SLC2A1: variants seen among roughly 807,000 people sequenced by gnomAD.
SLC2A1 encodes the protein solute carrier family 2, facilitated glucose transporter member 1.
Under a neutral mutation model 46.6 loss-of-function variants are expected in SLC2A1, and 4 were observed. The observed-to-expected ratio is 0.09, with a 90% CI of 0.04 to 0.20. SLC2A1 has a LOEUF of 0.20. Ranked by LOEUF, SLC2A1 falls within the 10% of genes least tolerant of loss-of-function variation. The probability of loss-of-function intolerance (pLI) is 1.00; values close to 1 mark genes in which losing one functional copy is unlikely to be tolerated. For synonymous variants in SLC2A1, 253 were observed against 270.0 expected (o/e 0.94, Z 0.62); for missense variants, 352 against 667.0 (o/e 0.53, Z 5.20).
intron 1 of SLC2A1, chr1:42,951,588 G>A: frequency 2.8e-6 from 1 of 363,490 alleles, no homozygotes. Context: ...AAGTCTTTAG[G>A]GTAAACACCA....
chr1:42,951,705 A>G (rs1643721914), intron 1 of SLC2A1: 1 of 396,910 alleles, frequency 2.5e-6, no homozygotes, highest in Non-Finnish European at 4.4e-6. Flanking sequence ...AGTCACATCT[A>G]AGAACTTTAT....
chr1:42,942,277 C>T (rs761994229), intron 2 of SLC2A1, among the ~76,000 whole-genome samples: 2 of 152,206 alleles, frequency 1.3e-5, no homozygotes, highest in Admixed American at 6.5e-5. Context: ...TTGGGCCTGT[C>T]GGCCATTTCA....
intron 1 of SLC2A1, among the ~76,000 whole-genome samples, chr1:42,956,407 C>CAAAAAAAAAAAAAAAAAAAAA (rs71577684): frequency 2.0e-4 from 9 of 44,528 alleles, no homozygotes; most frequent in African/African-American, 8.4e-4. Flanking sequence ...ACTAAAACTA[C>CAAAAAAAAAAAAAAAAAAAAA]AAAAAAAAAA....
At chr1:42,951,698 C>G in intron 1 of SLC2A1, 1 of 396,532 alleles carries the variant, frequency 2.5e-6, no homozygotes, top group Non-Finnish European at 4.4e-6. Context: ...TTTTTCCAGT[C>G]ACATCTAAGA....
chr1:42,929,842 A>G lies in SLC2A1; in HGVS notation c.679+31T>C. The G allele has an allele frequency of 2.5e-6, 4 of 1,613,744 alleles. No individual in the cohort carries two copies. Among genetic ancestry groups the G allele is most frequent in the Non-Finnish European group, 3.4e-6 (4 of 1,179,928 alleles). On this transcript the variant is annotated intron_variant, in intron 5 of 9. Transcript: ENST00000426263. This position sits in a 1 kb window ranked among gnomAD's most constrained non-coding sequence, Gnocchi z 6.0. The stretch of plus-strand genomic sequence containing the variant: ...GTGGGAAGAAGGCCAGGGCTCAGGG[A>G]GTGGGGAGGAGGGCAGGGCCATGCC...
At position 42,958,816 on chromosome 1, in the gene SLC2A1, G is replaced by C. The variant is rs1643810918; in HGVS notation, c.-165C>G. 3 of 643,552 alleles carry C rather than the reference G, an allele frequency of 4.7e-6. No homozygotes were observed. Among genetic ancestry groups the C allele is most frequent in the Non-Finnish European group, 7.8e-6 (3 of 385,670 alleles). 39.9% of individuals were successfully genotyped at this position (643,552 alleles called of 1,614,324 possible). On this transcript the variant is annotated 5_prime_UTR_variant, in exon 1 of 10. Coordinates refer to ENST00000426263, the MANE Select transcript of SLC2A1 (RefSeq NM_006516.4). ...CTCCTGCTCCCTGGCGTGCTCACTCGGGGACCCGCGACTAGCGACCGGCAC... is the reference window on the plus strand; with the variant it reads ...CTCCTGCTCCCTGGCGTGCTCACTCCGGGACCCGCGACTAGCGACCGGCAC...
In SLC2A1 at chr1:42,929,314, C is replaced by T. The variant is rs753156126; in HGVS notation, c.868G>A (p.Val290Ile). ...LSQQLSGINA[V>I]FYYSTSIFEK... ...AAGATGCTCGTGGAGTAATAGAAGA[C>T]CTGCCAGACAAGAGAAACTGTTGGG... The change falls in exon 7 of 10, where the codon GTC becomes ATC. Residue 290 changes from valine (V) to isoleucine (I), a missense_variant and splice_region_variant. Around this residue, in one of 5 missense-constraint regions of SLC2A1, gnomAD observed 167 missense variants for 280.8 expected, o/e 0.59. Coordinates refer to ENST00000426263, the MANE Select transcript of SLC2A1 (RefSeq NM_006516.4). This position sits in a 1 kb window ranked among gnomAD's most constrained non-coding sequence, Gnocchi z 6.0. The T allele has an allele frequency of 1.9e-6, 3 of 1,608,306 alleles. No homozygotes were observed. The highest frequency in any genetic ancestry group is 2.2e-5 in the South Asian group (2 of 90,158).
intron 2 of SLC2A1, among the ~76,000 whole-genome samples, chr1:42,933,324 C>A (rs1008441908): frequency 1.1e-4 from 16 of 152,254 alleles, no homozygotes; most frequent in African/African-American, 3.6e-4. Context: ...ATCTCCCACC[C>A]CTCTACGCCT....
At chr1:42,938,386 T>G (rs545761646) in intron 2 of SLC2A1, among the ~76,000 whole-genome samples, 1 of 152,334 alleles carries the variant, frequency 6.6e-6, no homozygotes, top group African/African-American at 2.4e-5. Flanking sequence ...CTGGCTTCAG[T>G]TCCCTCATTT....
rs540910392 is a variant in SLC2A1, at chr1:42,942,594, T to G, written c.114+632A>C. Among the ~76,000 whole-genome samples the G allele has an allele frequency of 4.6e-5, 7 of 151,698 alleles. No individual in the cohort carries two copies. The Admixed American group carries it at 4.6e-4, about 10-fold the overall frequency. On this transcript the variant is annotated intron_variant, in intron 2 of 9. Transcript: ENST00000426263. ...GTGGCTCCCTAGGGCAAGACGCCAT[T>G]TCTGCTTTGACTGCCACAGGGCCTT...
chr1:42,941,907 C>A (rs1315118856), intron 2 of SLC2A1, among the ~76,000 whole-genome samples: 1 of 152,258 alleles, frequency 6.6e-6, no homozygotes, highest in Non-Finnish European at 1.5e-5. Context: ...AGTCCTGTCA[C>A]CTCCCCTGCA....
intron 2 of SLC2A1, among the ~76,000 whole-genome samples, chr1:42,940,474 G>T (rs917668284): frequency 5.9e-5 from 9 of 152,304 alleles, no homozygotes; most frequent in Admixed American, 2.0e-4. Flanking sequence ...CTGGCCCTTC[G>T]ATGGCTTACA....
rs886046337 is a variant in SLC2A1 at position 42,926,390 on chromosome 1, C to A, written c.*651G>T. On this transcript the variant is annotated 3_prime_UTR_variant, in exon 10 of 10. Coordinates refer to ENST00000426263, the MANE Select transcript of SLC2A1 (RefSeq NM_006516.4). ...CCTCTTCTCATGGTAATAGTGTGGC[C>A]CTCAGTGCAAAGGAGACTAGAACCC... The A allele has an allele frequency of 9.3e-5, 17 of 181,872 alleles. No homozygotes were observed. The highest frequency in any genetic ancestry group is 1.8e-4 in the Non-Finnish European group (15 of 83,956). 11.3% of individuals were successfully genotyped at this position (181,872 alleles called of 1,614,324 possible). A position where few individuals can be genotyped will look rare whatever the true frequency, so the allele number is the denominator to read the frequency against.
chr1:42,939,310 AGTGTTT>A (rs1311569310), intron 2 of SLC2A1, among the ~76,000 whole-genome samples: 1 of 152,242 alleles, frequency 6.6e-6, no homozygotes, highest in African/African-American at 2.4e-5. Context: ...CCTTGTGAGA[AGTGTTT>A]GTAAAGTACA....
intron 2 of SLC2A1, among the ~76,000 whole-genome samples, chr1:42,934,059 C>A (rs192900904): frequency 6.6e-6 from 1 of 152,154 alleles, no homozygotes; most frequent in East Asian, 1.9e-4. Flanking sequence ...GAATTGTATA[C>A]AAAGAAAGAG....
At chr1:42,932,310 C>A (rs1643499609) in intron 2 of SLC2A1, among the ~76,000 whole-genome samples, 1 of 151,242 alleles carries the variant, frequency 6.6e-6, no homozygotes, top group African/African-American at 2.4e-5. Flanking sequence ...GGTAGGCAGG[C>A]AGCACCCGTT....
chr1:42,927,104 G>A lies in SLC2A1; in HGVS notation c.1416C>T (p.Ala472=). ...EIASGFRQGG[A]SQSDKTPEEL... is the part of the protein sequence containing the mutation. ...CCTCGGGTGTCTTGTCACTTTGGCT[G>A]GCTCCCCCCTGCCGGAAGCCGGAAG... Residue 472 remains alanine, a synonymous_variant, in exon 10 of 10, where the codon GCC becomes GCT. Coordinates refer to ENST00000426263, the MANE Select transcript of SLC2A1 (RefSeq NM_006516.4). This position sits in a 1 kb window ranked among gnomAD's most constrained non-coding sequence, Gnocchi z 5.3. 6.2e-7 allele frequency: 1 copy of A among 1,614,210 alleles called. No homozygotes were observed. The highest frequency in any genetic ancestry group is 8.5e-7 in the Non-Finnish European group (1 of 1,180,044).
chr1:42,927,111 C>T lies in SLC2A1; in HGVS notation c.1409G>A (p.Gly470Glu). ...TGTCTTGTCACTTTGGCTGGCTCCC[C>T]CCTGCCGGAAGCCGGAAGCGATCTC... Reference protein sequence around the residue: ...FDEIASGFRQGGASQSDKTPE... With the variant: ...FDEIASGFRQEGASQSDKTPE... The change falls in exon 10 of 10, where the codon GGG becomes GAG. Residue 470 changes from glycine to glutamate, a missense_variant. Physicochemically the swap from Gly to Glu is moderately conservative, Grantham distance 98 (BLOSUM62 -2). Transcript: ENST00000426263. The surrounding 1 kb of genome is among the most constrained non-coding windows in gnomAD (Gnocchi z 5.3). 1 of 1,614,182 alleles carries T rather than the reference C, an allele frequency of 6.2e-7. No individual in the cohort carries two copies. The highest frequency in any genetic ancestry group is 1.3e-5 in the African/African-American group (1 of 75,046).
Position 42,926,973 on chromosome 1 carries a change from A to G in SLC2A1, c.*68T>C. 2 of 1,582,776 alleles carry G rather than the reference A, an allele frequency of 1.3e-6. No individual in the cohort carries two copies. Among genetic ancestry groups the G allele is most frequent in the East Asian group, 4.5e-5 (2 of 44,464 alleles). ...TCTGTCAGGTTTGGAAGTCTCATCC[A>G]GCTGCCTGTGCTCCTGAGAGATCCT... is the stretch of plus-strand genomic sequence containing the variant. On this transcript the variant is annotated 3_prime_UTR_variant, in exon 10 of 10. Coordinates refer to ENST00000426263, the MANE Select transcript of SLC2A1 (RefSeq NM_006516.4).
Sources: allele counts gnomAD v4.1 joint callset (sites outside exome capture counted in the v4.1 genomes callset), GRCh38; gene constraint gnomAD v4.1.1; regional missense constraint gnomAD v4.1.1; non-coding constraint Gnocchi (gnomAD v3.1); transcripts MANE v1.5; gene names NCBI Gene and HGNC (gene_info 2026-07-23, HGNC 2026-07-21).